SMC2: variants seen among roughly 807,000 people sequenced by gnomAD.
SMC2 encodes the protein structural maintenance of chromosomes protein 2.
A neutral mutation model predicts 142.6 loss-of-function variants in SMC2; 41 were observed. The ratio of observed to expected loss-of-function variants is 0.29; its 90% CI spans 0.22 to 0.37. The LOEUF (loss-of-function observed/expected upper bound fraction) is 0.37, where lower values mean the gene tolerates loss of function less well. SMC2 is among the 10% of genes least tolerant of loss of function. The pLI, the probability that SMC2 is intolerant of heterozygous loss-of-function variation, is 1.00. For missense variants in SMC2, 1,265 were observed against 1,373.7 expected, an observed-to-expected ratio of 0.92 and a Z score of 1.25; for synonymous variants, 463 against 457.5, an observed-to-expected ratio of 1.01 and a Z score of -0.15.
intron 4 of SMC2, among the ~76,000 whole-genome samples, chr9:104,099,199 G>A (rs781703309): frequency 6.6e-6 from 1 of 151,974 alleles, no homozygotes; most frequent in Non-Finnish European, 1.5e-5. Context: ...TGGTTTTCTG[G>A]CATTGATGTA....
chr9:104,102,736 C>T (rs550537718), intron 9 of SMC2, among the ~76,000 whole-genome samples, 163 bp downstream of exon 9: 1 of 152,112 alleles, frequency 6.6e-6, no homozygotes, highest in South Asian at 2.1e-4. Context: ...AAAATCCTTG[C>T]CTTGTGGACC....
chr9:104,090,854 G>A (rs1040394097), upstream of SMC2, among the ~76,000 whole-genome samples: 1 of 151,830 alleles, frequency 6.6e-6, no homozygotes. Context: ...CAGAAAAGAA[G>A]ATAAAATAAA....
chr9:104,117,520 C>G lies in SMC2; in HGVS notation c.1792-651C>G, dbSNP rs1422987036. 2.0e-5 allele frequency among the ~76,000 whole-genome samples: 3 copies of G among 152,150 alleles called. No homozygotes were observed. In the East Asian group the frequency reaches 5.8e-4, roughly 29 times the overall value. On this transcript the variant is annotated intron_variant, in intron 14 of 24. Coordinates refer to ENST00000374793, the MANE Select transcript of SMC2 (RefSeq NM_006444.3). The stretch of plus-strand genomic sequence containing the variant: ...GGATTTTTTAAATTACTTTTACTCT[C>G]AGTTATTGTGTTTTCATTTCTGTAA...
At chr9:104,110,118 C>T (rs1315277656) in intron 9 of SMC2, among the ~76,000 whole-genome samples, 1 of 152,090 alleles carries the variant, frequency 6.6e-6, no homozygotes, top group Non-Finnish European at 1.5e-5. Flanking sequence ...TCTTGTGGTT[C>T]TCGTGTATTT....
At chr9:104,136,389 C>T (rs1835528747) in intron 23 of SMC2, among the ~76,000 whole-genome samples, 1 of 152,004 alleles carries the variant, frequency 6.6e-6, no homozygotes, top group Admixed American at 6.6e-5. Context: ...GCTGCCTGTT[C>T]ATAAAAATTG....
chr9:104,088,955 G>A, the SMC2 span, among the ~76,000 whole-genome samples: 1 of 149,238 alleles, frequency 6.7e-6, no homozygotes, highest in African/African-American at 2.5e-5. Context: ...TTTTGTCATT[G>A]GTTGTTGCAT....
chr9:104,134,478 C>A lies in SMC2; in HGVS notation c.3172C>A (p.Pro1058Thr), dbSNP rs372796365. ...LLPGANAMLA[P>T]PEGQTVLDGL... is the part of the protein sequence containing the mutation. ...GCCTGGTGCTAATGCTATGCTTGCACCACCAGAGGGTCAAACTGTTTTGGA... is the reference window on the plus strand; with the variant it reads ...GCCTGGTGCTAATGCTATGCTTGCAACACCAGAGGGTCAAACTGTTTTGGA... Residue 1058 changes from proline to threonine, a missense_variant, in exon 23 of 25, where the codon CCA (proline) becomes ACA (threonine). Around this residue, in one of 4 missense-constraint regions of SMC2, gnomAD observed 192 missense variants for 261.9 expected, o/e 0.73. Coordinates refer to ENST00000374793, the MANE Select transcript of SMC2 (RefSeq NM_006444.3). 22 of 1,612,636 alleles carry A rather than the reference C, an allele frequency of 1.4e-5. No homozygotes were observed. The highest frequency in any genetic ancestry group is 1.5e-5 in the Non-Finnish European group (18 of 1,179,148).
At chr9:104,092,550 A>G (rs1830008830), upstream of SMC2, 1 of 152,224 alleles carries the variant, frequency 6.6e-6, no homozygotes, top group African/African-American at 2.4e-5. Flanking sequence ...AATCAATACA[A>G]GTGAATAGCT....
intron 5 of SMC2, 142 bp from the exon 6 acceptor site, chr9:104,099,951 C>G: frequency 1.6e-6 from 1 of 627,912 alleles, no homozygotes; most frequent in Admixed American, 3.4e-5. Context: ...TGTGAAATTA[C>G]TATATTTAAC....
upstream of SMC2, among the ~76,000 whole-genome samples, chr9:104,089,539 T>C (rs1829961979): frequency 6.6e-6 from 1 of 152,020 alleles, no homozygotes; most frequent in Non-Finnish European, 1.5e-5. Flanking sequence ...AGAGGTGAGC[T>C]AGGTAGCTCT....
At chr9:104,120,933 T>C (rs1344949707) in intron 16 of SMC2, among the ~76,000 whole-genome samples, 1 of 152,148 alleles carries the variant, frequency 6.6e-6, no homozygotes, top group African/African-American at 2.4e-5. Flanking sequence ...TAAAGAAAGA[T>C]AAATTGGTAA....
chr9:104,118,165 C>T lies in SMC2; in HGVS notation c.1792-6C>T. On this transcript the variant is annotated splice_region_variant and splice_polypyrimidine_tract_variant and intron_variant, in intron 14 of 24. Coordinates refer to ENST00000374793, the MANE Select transcript of SMC2 (RefSeq NM_006444.3). The stretch of plus-strand genomic sequence containing the variant: ...GTACTGTGGCATATCTGTTGTTGTC[C>T]CACAGGTTGGCCCTGACAACGTTCA... 1 of 1,612,774 alleles carries T rather than the reference C, an allele frequency of 6.2e-7. No homozygotes were observed. Among genetic ancestry groups the T allele is most frequent in the East Asian group, 2.2e-5 (1 of 44,830 alleles).
At chr9:104,100,677 A>G (rs544532917) in intron 7 of SMC2, among the ~76,000 whole-genome samples, 1 of 152,292 alleles carries the variant, frequency 6.6e-6, no homozygotes, top group African/African-American at 2.4e-5. Context: ...GAATTTTAAT[A>G]CTTTATTTAA....
chr9:104,095,800 A>G (rs1299883152), intron 2 of SMC2, among the ~76,000 whole-genome samples: 1 of 152,236 alleles, frequency 6.6e-6, no homozygotes, highest in African/African-American at 2.4e-5. Context: ...ATTCCAGAGT[A>G]TTTTCAACCC....
chr9:104,088,873 T>C, the SMC2 span, among the ~76,000 whole-genome samples: 1 of 152,082 alleles, frequency 6.6e-6, no homozygotes, highest in African/African-American at 2.4e-5. Context: ...CTTGGCACAA[T>C]GCAGGCATTC....
chr9:104,118,078 T>A, intron 14 of SMC2, 93 bp from the exon 15 acceptor site: 1 of 907,646 alleles, frequency 1.1e-6, no homozygotes. Context: ...ATTATTTAAG[T>A]TTCTATTACA....
intron 10 of SMC2, among the ~76,000 whole-genome samples, chr9:104,112,207 C>G (rs1832536720): frequency 6.6e-6 from 1 of 152,126 alleles, no homozygotes; most frequent in African/African-American, 2.4e-5. Flanking sequence ...ATTGTCCTCC[C>G]CATTGCTTTG....
chr9:104,139,011 T>G (rs1222966659), intron 24 of SMC2, 128 bp from the exon 25 acceptor site: 2 of 514,732 alleles, frequency 3.9e-6, no homozygotes, highest in Non-Finnish European at 6.4e-6. Flanking sequence ...TAGCATTCAT[T>G]TAGGTGCCTC....
chr9:104,099,985 T>G, intron 5 of SMC2, 108 bp from the exon 6 acceptor site: 1 of 699,496 alleles, frequency 1.4e-6, no homozygotes, highest in Admixed American at 3.3e-5. Flanking sequence ...TTGGGCCAAC[T>G]TTTGGTAAGA....
Sources: allele counts gnomAD v4.1 joint callset (sites outside exome capture counted in the v4.1 genomes callset), GRCh38; gene constraint gnomAD v4.1.1; regional missense constraint gnomAD v4.1.1; transcripts MANE v1.5; gene names NCBI Gene and HGNC (gene_info 2026-07-23, HGNC 2026-07-21).